GPR158: variants seen among roughly 807,000 people sequenced by gnomAD.
The protein encoded by GPR158 is metabotropic glycine receptor.
GPR158 carries 30 observed loss-of-function variants against 78.2 expected under a neutral mutation model. The observed-to-expected ratio is 0.38, with a 90% CI of 0.29 to 0.52. GPR158 has a LOEUF of 0.52. Among genes scored for constraint, GPR158 ranks in the 20% least tolerant of loss-of-function variants. GPR158 has a pLI of 0.83. For synonymous variants in GPR158, 581 were observed against 591.1 expected, an observed-to-expected ratio of 0.98 and a Z score of 0.25; for missense variants, 1,463 against 1,523.5, an observed-to-expected ratio of 0.96 and a Z score of 0.66.
intron 4 of GPR158, among the ~76,000 whole-genome samples, chr10:25,455,766 G>A (rs970994376): frequency 6.6e-6 from 1 of 152,234 alleles, no homozygotes; most frequent in Non-Finnish European, 1.5e-5. Flanking sequence ...TCGCTGATAA[G>A]CATAAAGACC....
intron 5 of GPR158, among the ~76,000 whole-genome samples, chr10:25,543,132 A>T (rs10082438): frequency 0.54 from 82,004 of 151,370 alleles, 24,177 homozygotes; most frequent in African/African-American, 0.78. Context: ...TTTTATTTTT[A>T]TTTTTTGAGA....
At chr10:25,177,037 ACTTAAGGGTT>A (rs1363045495) in intron 1 of GPR158, among the ~76,000 whole-genome samples, 4 of 151,990 alleles carry the variant, frequency 2.6e-5, no homozygotes, top group Non-Finnish European at 5.9e-5. Context: ...TCTTAGGCAT[ACTTAAGGGTT>A]CTCCAGCCCT....
intron 5 of GPR158, among the ~76,000 whole-genome samples, chr10:25,486,261 T>A (rs1835734011): frequency 6.6e-6 from 1 of 152,160 alleles, no homozygotes; most frequent in Admixed American, 6.5e-5. Context: ...CATTCTTTTG[T>A]CTGTACCCAG....
intron 2 of GPR158, among the ~76,000 whole-genome samples, chr10:25,298,684 C>G (rs1410731587): frequency 6.6e-6 from 1 of 152,068 alleles, no homozygotes; most frequent in Non-Finnish European, 1.5e-5. Context: ...AACATCATGG[C>G]CTGTGTACTT....
intron 1 of GPR158, among the ~76,000 whole-genome samples, chr10:25,202,358 C>T (rs1355594886): frequency 1.3e-5 from 2 of 151,964 alleles, no homozygotes; most frequent in African/African-American, 4.8e-5. Context: ...CACCCATTAA[C>T]TCGTCATTTA....
At chr10:25,587,052 A>G (rs1855672) in intron 7 of GPR158, among the ~76,000 whole-genome samples, 53,512 of 152,068 alleles carry the variant, frequency 0.35, 9,593 homozygotes, top group East Asian at 0.49. Flanking sequence ...GAAGAAATGT[A>G]ACCATATGTG....
At chr10:25,443,185 A>G (rs187751272) in intron 4 of GPR158, among the ~76,000 whole-genome samples, 22 of 152,228 alleles carry the variant, frequency 1.4e-4, no homozygotes, top group African/African-American at 4.8e-4. Context: ...CCTGGGTTCA[A>G]GTGATCCCCC....
At chr10:25,299,078 A>G (rs1339405637) in intron 2 of GPR158, among the ~76,000 whole-genome samples, 1 of 152,234 alleles carries the variant, frequency 6.6e-6, no homozygotes, top group Non-Finnish European at 1.5e-5. Context: ...AAGGAGCTAT[A>G]TTCTGCACTT....
intron 2 of GPR158, among the ~76,000 whole-genome samples, chr10:25,387,032 A>T (rs1432674263): frequency 2.0e-5 from 3 of 152,110 alleles, no homozygotes; most frequent in African/African-American, 7.2e-5. Context: ...GTGGAGAGAG[A>T]AGGCTTTCAC....
rs1317923167 is a variant in GPR158 at position 25,314,287 on chromosome 10, G to A, written c.1009-81624G>A. Among the ~76,000 whole-genome samples the A allele has an allele frequency of 8.5e-5, 13 of 152,128 alleles. No homozygotes were observed. In the East Asian group the frequency reaches 2.1e-3, roughly 25 times the overall value. On this transcript the variant is annotated intron_variant, in intron 2 of 10. Transcript: ENST00000376351. Reference sequence around the variant, plus strand: ...AGCTAATTTTTGTATTTTTAATAGAGACGGGGTTTCACCATGTTGGCCAGG... The same window carrying A: ...AGCTAATTTTTGTATTTTTAATAGAAACGGGGTTTCACCATGTTGGCCAGG...
At chr10:25,216,611 G>A (rs181513210) in intron 1 of GPR158, among the ~76,000 whole-genome samples, 6 of 152,112 alleles carry the variant, frequency 3.9e-5, no homozygotes, top group African/African-American at 1.4e-4. Context: ...ATTTTAGTGG[G>A]GAAAACATAT....
intron 5 of GPR158, among the ~76,000 whole-genome samples, chr10:25,539,521 ATTTTTT>A: frequency 7.1e-6 from 1 of 141,468 alleles, no homozygotes; most frequent in East Asian, 2.1e-4. Context: ...ACCCCTTTTA[ATTTTTT>A]TTTTTTTTTG....
intron 2 of GPR158, among the ~76,000 whole-genome samples, chr10:25,350,122 A>AT (rs1243316658): frequency 6.8e-6 from 1 of 147,056 alleles, no homozygotes; most frequent in Non-Finnish European, 1.5e-5. Flanking sequence ...GGCCTGGCTG[A>AT]TTAAAAAAAA....
chr10:25,212,424 A>G (rs1001054833), intron 1 of GPR158, among the ~76,000 whole-genome samples: 4 of 152,132 alleles, frequency 2.6e-5, no homozygotes, highest in African/African-American at 9.7e-5. Flanking sequence ...CAAGCCATTC[A>G]TGATCCGATC....
chr10:25,461,005 C>G (rs1331447038), intron 4 of GPR158, among the ~76,000 whole-genome samples: 3 of 152,148 alleles, frequency 2.0e-5, no homozygotes, highest in African/African-American at 7.2e-5. Context: ...AGACGGTGAA[C>G]TTAAGTGATC....
In GPR158 at chr10:25,175,761, C is replaced by T. The variant is rs775083205; in HGVS notation, c.341C>T (p.Ala114Val). ...ELAGLPGKWP[A>V]LASAHPSLHR... is the part of the protein sequence containing the mutation. ...GCGGGCCTGCCGGGGAAGTGGCCAG[C>T]CCTGGCCAGCGCGCACCCCTCCTTG... Residue 114 changes from alanine to valine, a missense_variant, in exon 1 of 11, where the codon GCC becomes GTC. Ala to Val is a moderately conservative substitution (Grantham distance 64). Transcript: ENST00000376351. The surrounding 1 kb of genome is among the most constrained non-coding windows in gnomAD (Gnocchi z 6.4). The T allele has an allele frequency of 8.1e-6, 13 of 1,611,132 alleles. No individual in the cohort carries two copies. The highest frequency in any genetic ancestry group is 3.3e-5 in the Admixed American group (2 of 60,020).
chr10:25,376,278 G>T (rs1037390896), intron 2 of GPR158, among the ~76,000 whole-genome samples: 6 of 151,496 alleles, frequency 4.0e-5, no homozygotes, highest in African/African-American at 1.4e-4. Context: ...TCCAATTAAA[G>T]ACACATATAT....
At chr10:25,579,012 A>C (rs1329639045) in intron 7 of GPR158, among the ~76,000 whole-genome samples, 1 of 148,050 alleles carries the variant, frequency 6.8e-6, no homozygotes, top group Non-Finnish European at 1.5e-5. Context: ...TCCGTCTCAA[A>C]AAAAATAAAA....
At chr10:25,560,023 T>C (rs1229375592) in intron 6 of GPR158, among the ~76,000 whole-genome samples, 1 of 152,182 alleles carries the variant, frequency 6.6e-6, no homozygotes, top group East Asian at 1.9e-4. Flanking sequence ...AATAGCACTT[T>C]ATAATTAGTT....
Sources: allele counts gnomAD v4.1 joint callset (sites outside exome capture counted in the v4.1 genomes callset), GRCh38; gene constraint gnomAD v4.1.1; non-coding constraint Gnocchi (gnomAD v3.1); transcripts MANE v1.5; gene names NCBI Gene and HGNC (gene_info 2026-07-23, HGNC 2026-07-21).